Variants in APBA2 observed in about 807,000 individuals in gnomAD.
APBA2 encodes amyloid beta precursor protein binding family A member 2.
A neutral mutation model predicts 75.0 loss-of-function variants in APBA2; 30 were observed. The ratio of observed to expected loss-of-function variants is 0.40; its 90% CI spans 0.30 to 0.54. APBA2 has a LOEUF of 0.54. APBA2 is among the 20% of genes least tolerant of loss of function. The pLI is 0.49. For synonymous variants in APBA2, 444 were observed against 409.6 expected (o/e 1.08, Z -1.01); for missense variants, 801 against 1,016.1 (o/e 0.79, Z 2.88).
rs35591033 is a variant in APBA2 at position 29,045,245 on chromosome 15, A to ATTT, written c.-40-8584_-40-8582dup. Among the ~76,000 whole-genome samples, 170 of 134,340 alleles carry ATTT rather than the reference A, an allele frequency of 1.3e-3. 1 individual carries two copies. Among genetic ancestry groups the ATTT allele is most frequent in the African/African-American group, 4.6e-3 (164 of 35,548 alleles). 88.1% of individuals were successfully genotyped at this position (134,340 alleles called of 152,430 possible). A position where few individuals can be genotyped will look rare whatever the true frequency, so the allele number is the denominator to read the frequency against. On this transcript the variant is annotated intron_variant, in intron 3 of 14. Transcript: ENST00000683413. ...AGGTGCACGCCACCATGCCTGGCTA[A>ATTT]TTTTTTTTTTTTTTTTTTGTATTTT...
At chr15:29,106,862 T>C (rs2044438892) in intron 12 of APBA2, 43 bp downstream of exon 12, 1 of 1,570,592 alleles carries the variant, frequency 6.4e-7, no homozygotes, top group African/African-American at 1.4e-5. Flanking sequence ...ACCTCAACCC[T>C]GCCTCACTTC....
chr15:28,899,941 G>T (rs2032750109), intron 1 of APBA2, among the ~76,000 whole-genome samples: 1 of 152,218 alleles, frequency 6.6e-6, no homozygotes, highest in South Asian at 2.1e-4. Context: ...CGACACAGTG[G>T]TGTGAAGTGT....
rs2045275492 is a variant in APBA2, at chr15:29,117,585, A to AAAC, written c.*454_*456dup. 1 of 186,170 alleles carries AAAC rather than the reference A, an allele frequency of 5.4e-6. No homozygotes were observed. Among genetic ancestry groups the AAAC allele is most frequent in the South Asian group, 1.2e-4 (1 of 8,364 alleles). The allele number at this position is 186,170 out of a possible 1,614,324, so 11.5% of individuals were successfully genotyped here. On this transcript the variant is annotated 3_prime_UTR_variant, in exon 15 of 15. Transcript: ENST00000683413. The stretch of plus-strand genomic sequence containing the variant: ...CCTGTGGGGCCCCCACAATGGTCCC[A>AAAC]AACAGCTGCCTCTGCCACTGACTGC...
At chr15:28,983,662 C>T (rs1388341755) in intron 2 of APBA2, among the ~76,000 whole-genome samples, 7 of 152,178 alleles carry the variant, frequency 4.6e-5, no homozygotes, top group Non-Finnish European at 8.8e-5. Context: ...GGAGGATCCA[C>T]CAAGTCACTG....
chr15:28,907,064 C>T (rs2033167760), intron 1 of APBA2, among the ~76,000 whole-genome samples: 3 of 152,188 alleles, frequency 2.0e-5, no homozygotes, highest in Admixed American at 1.3e-4. Context: ...AAGGGTTTCT[C>T]TACCCTAATA....
intron 2 of APBA2, among the ~76,000 whole-genome samples, chr15:28,922,529 G>A (rs2034026827): frequency 1.3e-5 from 2 of 152,186 alleles, no homozygotes; most frequent in African/African-American, 4.8e-5. Flanking sequence ...GTGCCCAGTG[G>A]AATATCTCAG....
At chr15:28,975,126 G>A (rs916835954) in intron 2 of APBA2, among the ~76,000 whole-genome samples, 1 of 152,078 alleles carries the variant, frequency 6.6e-6, no homozygotes, top group Non-Finnish European at 1.5e-5. Context: ...GCAAGTAAGT[G>A]TGAAGACCTG....
intron 2 of APBA2, among the ~76,000 whole-genome samples, chr15:28,965,463 T>C (rs1428722226): frequency 6.6e-6 from 1 of 152,346 alleles, no homozygotes. Flanking sequence ...TCTCAGGCTT[T>C]TCTCTTTCTA....
chr15:29,010,540 G>A (rs111555575), intron 3 of APBA2, among the ~76,000 whole-genome samples: 4 of 152,264 alleles, frequency 2.6e-5, no homozygotes, highest in African/African-American at 9.6e-5. Context: ...TTACAGGTGC[G>A]AGCCACCACA....
chr15:29,111,111 C>T (rs2044704797), intron 13 of APBA2, among the ~76,000 whole-genome samples: 1 of 152,060 alleles, frequency 6.6e-6, no homozygotes, highest in Admixed American at 6.6e-5. Flanking sequence ...CTGAAGACAA[C>T]ATCTCCGGGG....
chr15:29,108,918 A>G (rs1324124718), intron 13 of APBA2, among the ~76,000 whole-genome samples: 2 of 152,138 alleles, frequency 1.3e-5, no homozygotes, highest in Non-Finnish European at 2.9e-5. Flanking sequence ...TCTGGCCAAA[A>G]ACCTGTACCA....
chr15:28,999,431 G>A (rs983197994), intron 3 of APBA2, among the ~76,000 whole-genome samples: 3 of 152,176 alleles, frequency 2.0e-5, no homozygotes, highest in Non-Finnish European at 4.4e-5. Flanking sequence ...ATACTATGAA[G>A]AAGAAAAAAT....
intron 2 of APBA2, among the ~76,000 whole-genome samples, chr15:28,941,181 G>A (rs925333837): frequency 2.6e-5 from 4 of 152,188 alleles, no homozygotes; most frequent in Non-Finnish European, 4.4e-5. Context: ...GTGAGCAGGT[G>A]GCAGGTTGGG....
At chr15:29,116,696 G>A (rs1242156793) in intron 14 of APBA2, among the ~76,000 whole-genome samples, 1 of 151,934 alleles carries the variant, frequency 6.6e-6, no homozygotes, top group African/African-American at 2.4e-5. Flanking sequence ...GAAGCAGAGT[G>A]CATCCCTCGC....
intron 2 of APBA2, among the ~76,000 whole-genome samples, chr15:28,930,970 A>G (rs139167343): frequency 1.4e-4 from 21 of 152,270 alleles, no homozygotes; most frequent in African/African-American, 5.1e-4. Flanking sequence ...AGCTCTGGTC[A>G]TGGCCTCCTG....
intron 3 of APBA2, among the ~76,000 whole-genome samples, chr15:29,051,297 A>G (rs1051892073): frequency 6.6e-6 from 1 of 152,108 alleles, no homozygotes; most frequent in Non-Finnish European, 1.5e-5. Context: ...TTGTCCTGCC[A>G]GTTTCAGGGT....
intron 2 of APBA2, among the ~76,000 whole-genome samples, chr15:28,924,098 A>G (rs2034127974): frequency 6.6e-6 from 1 of 152,200 alleles, no homozygotes; most frequent in Non-Finnish European, 1.5e-5. Context: ...GTGTCCCACG[A>G]GGACAGACTC....
chr15:28,957,887 C>T (rs774467446), intron 2 of APBA2, among the ~76,000 whole-genome samples: 3 of 152,280 alleles, frequency 2.0e-5, no homozygotes, highest in East Asian at 1.9e-4. Flanking sequence ...GAAGGGAGCA[C>T]CATCTGGTTT....
At position 28,934,023 on chromosome 15, in the gene APBA2, C is replaced by G. The variant is rs939710598; in HGVS notation, c.-95+12274C>G. 3.3e-5 allele frequency among the ~76,000 whole-genome samples: 5 copies of G among 151,336 alleles called. 1 individual carries two copies. The East Asian group carries it at 7.8e-4, about 24-fold the overall frequency. On this transcript the variant is annotated intron_variant, in intron 2 of 14. Transcript: ENST00000683413. ...CCAGGCAGAGAGAGCAGCTTGCACACGGGAAAACAAGGCATGGAGTGGGCA... is the reference window on the plus strand; with the variant it reads ...CCAGGCAGAGAGAGCAGCTTGCACAGGGGAAAACAAGGCATGGAGTGGGCA...
Sources: allele counts gnomAD v4.1 joint callset (sites outside exome capture counted in the v4.1 genomes callset), GRCh38; gene constraint gnomAD v4.1.1; transcripts MANE v1.5; gene names NCBI Gene and HGNC (gene_info 2026-07-23, HGNC 2026-07-21).